WDR17: variants seen among roughly 807,000 people sequenced by gnomAD.
WDR17 encodes WD repeat-containing protein 17.
A neutral mutation model predicts 161.7 loss-of-function variants in WDR17; 143 were observed. That is an observed-to-expected ratio of 0.88 (90% CI 0.77 to 1.02). The LOEUF (loss-of-function observed/expected upper bound fraction) is 1.02, where lower values mean the gene tolerates loss of function less well. WDR17 is among the 50% of genes least tolerant of loss of function. The pLI, the probability that WDR17 is intolerant of heterozygous loss-of-function variation, is 0.00. For missense variants in WDR17, 1,469 were observed against 1,520.9 expected (o/e 0.97, Z 0.57); for synonymous variants, 517 against 515.6 (o/e 1.00, Z -0.04).
At chr4:176,160,190 T>G in intron 19 of WDR17, 64 bp downstream of exon 19, 1 of 1,578,596 alleles carries the variant, frequency 6.3e-7, no homozygotes, top group Non-Finnish European at 8.6e-7. Flanking sequence ...GGGAGAAGGT[T>G]GTGTTGACTG....
intron 22 of WDR17, 140 bp downstream of exon 22, chr4:176,163,433 T>C: frequency 9.8e-7 from 1 of 1,020,420 alleles, no homozygotes; most frequent in East Asian, 2.7e-5. Context: ...TGGAAGGAAA[T>C]AATGATATAA....
chr4:176,167,658 A>AACAAAAC (rs1554036534), intron 22 of WDR17, among the ~76,000 whole-genome samples: 6 of 69,622 alleles, frequency 8.6e-5, no homozygotes, highest in Admixed American at 1.9e-4. Flanking sequence ...AAAAAAAAAA[A>AACAAAAC]AAAAAAAAAA....
At chr4:176,171,340 A>G (rs1750706513) in intron 23 of WDR17, among the ~76,000 whole-genome samples, 2 of 152,192 alleles carry the variant, frequency 1.3e-5, no homozygotes, top group Admixed American at 6.5e-5. Context: ...CCATGAGCAT[A>G]TATCAAGGTG....
intron 1 of WDR17, among the ~76,000 whole-genome samples, chr4:176,084,789 A>T (rs920588054): frequency 3.5e-5 from 5 of 144,760 alleles, no homozygotes; most frequent in African/African-American, 1.3e-4. Context: ...TATATATAAA[A>T]TATATATATA....
At position 176,168,875 on chromosome 4, in the gene WDR17, A is replaced by G. The variant is rs1579253322; in HGVS notation, c.3102+92A>G. The G allele has an allele frequency of 2.8e-6, 4 of 1,430,750 alleles. No homozygotes were observed. In the East Asian group the frequency reaches 7.0e-5, roughly 25 times the overall value. The allele number at this position is 1,430,750 out of a possible 1,614,324, so 88.6% of individuals were successfully genotyped here. ...AAGCAAATAGAGATGCATGCAGAGA[A>G]ACAAATGTGTGGTCCCTTTGGGGTA... On this transcript the variant is annotated intron_variant, in intron 23 of 28. Coordinates refer to ENST00000508596, the MANE Select transcript of WDR17 (RefSeq NM_181265.4).
rs1336742675 is a variant in WDR17, at chr4:176,150,148, T to A, written c.2153T>A (p.Leu718Gln). 2 of 1,613,420 alleles carry A rather than the reference T, an allele frequency of 1.2e-6. No individual in the cohort carries two copies. Among genetic ancestry groups the A allele is most frequent in the Non-Finnish European group, 1.7e-6 (2 of 1,179,904 alleles). Residue 718 changes from leucine (L) to glutamine (Q), a missense_variant, in exon 15 of 29, where the codon CTA (leucine) becomes CAA (glutamine). By Grantham distance (113) the Leu-to-Gln change is moderately radical (BLOSUM62 -2). Coordinates refer to ENST00000508596, the MANE Select transcript of WDR17 (RefSeq NM_181265.4). ...KLTANSQVKKLRWFSECLSPP... is the reference protein window; with the variant it reads ...KLTANSQVKKQRWFSECLSPP... ...ACTGCTAATTCTCAAGTGAAAAAACTAAGATGGTTCTCAGAATGTTTATCT... is the reference window on the plus strand; with the variant it reads ...ACTGCTAATTCTCAAGTGAAAAAACAAAGATGGTTCTCAGAATGTTTATCT...
chr4:176,095,390 G>A (rs1409869180), intron 1 of WDR17, among the ~76,000 whole-genome samples: 3 of 152,084 alleles, frequency 2.0e-5, no homozygotes, highest in Non-Finnish European at 2.9e-5. Flanking sequence ...AACCTATTCC[G>A]AAGCATTATG....
At chr4:176,152,057 G>A (rs1747217871) in intron 17 of WDR17, 90 bp downstream of exon 17, 1 of 1,388,664 alleles carries the variant, frequency 7.2e-7, no homozygotes. Context: ...AAAATAAAAA[G>A]CTCAGCACTT....
At chr4:176,173,129 A>G in intron 24 of WDR17, 138 bp from the exon 25 acceptor site, 2 of 555,502 alleles carry the variant, frequency 3.6e-6, no homozygotes, top group Non-Finnish European at 6.3e-6. Flanking sequence ...GAGGATAAAT[A>G]GGAAAATACT....
Position 176,168,569 on chromosome 4 carries a change from G to A in WDR17, c.2991-103G>A, listed in dbSNP as rs528597502. The A allele has an allele frequency of 3.4e-5, 46 of 1,354,044 alleles. No individual in the cohort carries two copies. In the African/African-American group the frequency reaches 5.4e-4, roughly 16 times the overall value. 83.9% of individuals were successfully genotyped at this position (1,354,044 alleles called of 1,614,324 possible). ...TAATACTGTTTGTGTAAATTAAAAA[G>A]CAAGAGTGGTATATTATATGAATTG... On this transcript the variant is annotated intron_variant, in intron 22 of 28. Transcript: ENST00000508596.
intron 4 of WDR17, 105 bp downstream of exon 4, chr4:176,120,202 C>G: frequency 1.3e-6 from 1 of 743,400 alleles, no homozygotes; most frequent in African/African-American, 1.8e-5. Context: ...TGAATAAAAC[C>G]AAAAGTGACA....
Position 176,148,120 on chromosome 4 carries a change from A to G in WDR17, c.1695-13A>G. ...ACTTGAATGTTATCACACCCATAAT[A>G]TTCTGTTTTCAGTACCGTTCGAATC... On this transcript the variant is annotated splice_polypyrimidine_tract_variant and intron_variant, in intron 12 of 28. Coordinates refer to ENST00000508596, the MANE Select transcript of WDR17 (RefSeq NM_181265.4). 3.1e-6 allele frequency: 5 copies of G among 1,611,638 alleles called. No individual in the cohort carries two copies. The African/African-American group carries it at 5.3e-5, about 17-fold the overall frequency.
chr4:176,162,079 CT>C lies in WDR17; in HGVS notation c.2756del (p.Leu919ArgfsTer20). The C allele has an allele frequency of 6.2e-7, 1 of 1,611,174 alleles. No homozygotes were observed. The highest frequency in any genetic ancestry group is 1.3e-5 in the African/African-American group (1 of 74,866). On this transcript the variant is annotated frameshift_variant, in exon 21 of 29. Transcript: ENST00000508596. LOFTEE classifies it high-confidence loss of function. ...TACACATTTTTTTCTTTCTAGACTC[CT>C]GCACAAAGTCAGTAAAGAACTGGCA... is the stretch of plus-strand genomic sequence containing the variant. The part of the protein sequence containing the change: ...DIYKEDFNEL[L>X]HKVSKELAEW...
rs750607606 is a variant in WDR17, at chr4:176,128,875, T to A, written c.913+15T>A. On this transcript the variant is annotated intron_variant, in intron 6 of 28. Coordinates refer to ENST00000508596, the MANE Select transcript of WDR17 (RefSeq NM_181265.4). ...AAGAAAAAAGTGTAAGTAAAAATGTTATCAAAATTTTAATTTTTAAAAAAT... is the reference window on the plus strand; with the variant it reads ...AAGAAAAAAGTGTAAGTAAAAATGTAATCAAAATTTTAATTTTTAAAAAAT... 211 of 1,543,880 alleles carry A rather than the reference T, an allele frequency of 1.4e-4. No homozygotes were observed. The highest frequency in any genetic ancestry group is 1.8e-4 in the Non-Finnish European group (202 of 1,149,040).
rs563597181 is a variant in WDR17, at chr4:176,168,815, G to T, written c.3102+32G>T. ...TGATGATGTTAAATATTCTGGTTTG[G>T]AATGCAGTGCTATGATTTAATTAAT... On this transcript the variant is annotated intron_variant, in intron 23 of 28. Transcript: ENST00000508596. The T allele has an allele frequency of 3.8e-6, 6 of 1,597,202 alleles. No individual in the cohort carries two copies. In the South Asian group the frequency reaches 6.8e-5, roughly 18 times the overall value.
At chr4:176,083,296 C>T (rs1463080878) in intron 1 of WDR17, among the ~76,000 whole-genome samples, 3 of 151,994 alleles carry the variant, frequency 2.0e-5, no homozygotes, top group Admixed American at 1.3e-4. Flanking sequence ...GATTATGATT[C>T]GTGCTACACA....
rs370939161 is a variant in WDR17, at chr4:176,139,920, C to T, written c.1388C>T (p.Ala463Val). The T allele has an allele frequency of 1.2e-6, 2 of 1,611,554 alleles. No individual in the cohort carries two copies. Among genetic ancestry groups the T allele is most frequent in the African/African-American group, 1.3e-5 (1 of 74,882 alleles). Residue 463 changes from alanine to valine, a missense_variant, in exon 10 of 29, where the codon GCC becomes GTC. By Grantham distance (64) the Ala-to-Val change is moderately conservative. Transcript: ENST00000508596. ...GGAACAAATGGAATATTCTGCATTG[C>T]CTGGAGTCATAAAGATTCTAAAAGA... Reference protein sequence around the residue: ...EHGTNGIFCIAWSHKDSKRIA... With the variant: ...EHGTNGIFCIVWSHKDSKRIA...
intron 20 of WDR17, 47 bp from the exon 21 acceptor site, chr4:176,162,028 A>T: frequency 6.8e-7 from 1 of 1,471,942 alleles, no homozygotes; most frequent in Non-Finnish European, 9.3e-7. Flanking sequence ...TTGCTTTTAT[A>T]ATGGAATACT....
intron 22 of WDR17, among the ~76,000 whole-genome samples, chr4:176,163,825 T>A (rs1211552923): frequency 6.6e-6 from 1 of 152,202 alleles, no homozygotes; most frequent in Non-Finnish European, 1.5e-5. Context: ...CCAGCTCATA[T>A]CTGCAGAGCC....
Sources: allele counts gnomAD v4.1 joint callset (sites outside exome capture counted in the v4.1 genomes callset), GRCh38; gene constraint gnomAD v4.1.1; transcripts MANE v1.5; gene names NCBI Gene and HGNC (gene_info 2026-07-23, HGNC 2026-07-21).